The following FAM20C variants were observed in gnomAD, a reference collection of about 807,000 sequenced individuals.
FAM20C encodes the protein extracellular serine/threonine protein kinase FAM20C.
Under a neutral mutation model 51.5 loss-of-function variants are expected in FAM20C, and 40 were observed. The ratio of observed to expected loss-of-function variants is 0.78; its 90% CI spans 0.60 to 1.01. The LOEUF (loss-of-function observed/expected upper bound fraction) is 1.01. Ranked by LOEUF, FAM20C falls within the 50% of genes least tolerant of loss-of-function variation. The pLI is 0.00. For missense variants in FAM20C, 861 were observed against 844.7 expected (o/e 1.02, Z -0.24); for synonymous variants, 406 against 380.6 (o/e 1.07, Z -0.78).
intron 3 of FAM20C, among the ~76,000 whole-genome samples, chr7:230,379 G>GC (rs1583317310): frequency 4.7e-5 from 5 of 106,242 alleles, no homozygotes; most frequent in East Asian, 3.4e-4. Context: ...GGGTGGGGGG[G>GC]GGGGGGAACA....
chr7:223,639 C>T (rs893899501), intron 3 of FAM20C, among the ~76,000 whole-genome samples: 24 of 152,286 alleles, frequency 1.6e-4, no homozygotes, highest in Middle Eastern at 3.4e-3. Context: ...CCCGTGGGGA[C>T]GGCACCTGGT....
intron 3 of FAM20C, among the ~76,000 whole-genome samples, chr7:217,796 C>G (rs749084623): frequency 1.2e-4 from 19 of 152,108 alleles, no homozygotes; most frequent in Non-Finnish European, 2.2e-4. Context: ...TCCATTTGTA[C>G]GAGGAGAGGA....
intron 3 of FAM20C, among the ~76,000 whole-genome samples, chr7:232,521 G>A (rs902462056): frequency 4.6e-5 from 7 of 152,238 alleles, no homozygotes; most frequent in Non-Finnish European, 8.8e-5. Context: ...TTAGCACAGC[G>A]CTTAGCTCAG....
At chr7:259,579 T>A (rs1467468745) in intron 9 of FAM20C, among the ~76,000 whole-genome samples, 152 bp from the exon 10 acceptor site, 1 of 104,766 alleles carries the variant, frequency 9.5e-6, no homozygotes, top group Non-Finnish European at 2.0e-5. Flanking sequence ...TCTCTGTGTA[T>A]GTCTCTGTCT....
intron 2 of FAM20C, among the ~76,000 whole-genome samples, chr7:203,969 A>T (rs1030890756): frequency 1.3e-5 from 2 of 152,218 alleles, no homozygotes; most frequent in African/African-American, 4.8e-5. Flanking sequence ...TCACTTCGTT[A>T]TTATCTTACT....
chr7:201,279 A>G (rs1157056256), intron 2 of FAM20C, among the ~76,000 whole-genome samples: 1 of 152,230 alleles, frequency 6.6e-6, no homozygotes, highest in Admixed American at 6.5e-5. Context: ...CGAGATGACC[A>G]GGGCCAAAGG....
At chr7:196,011 G>A (rs980311909) in intron 2 of FAM20C, among the ~76,000 whole-genome samples, 2 of 152,256 alleles carry the variant, frequency 1.3e-5, no homozygotes, top group African/African-American at 4.8e-5. Context: ...TGGTCCCGGG[G>A]GTGCCAACTG....
At chr7:209,010 G>C (rs1286952510) in intron 3 of FAM20C, 34 bp downstream of exon 3, 1 of 1,557,322 alleles carries the variant, frequency 6.4e-7, no homozygotes, top group Non-Finnish European at 8.7e-7. Context: ...GGGGCGTGAG[G>C]AGCTGGAGCT....
chr7:217,670 C>T (rs2115089651), intron 3 of FAM20C, among the ~76,000 whole-genome samples: 1 of 152,138 alleles, frequency 6.6e-6, no homozygotes, highest in East Asian at 1.9e-4. Flanking sequence ...GCAGAGGTGC[C>T]CTGAGGGTTC....
chr7:209,289 T>C (rs560885334), intron 3 of FAM20C, among the ~76,000 whole-genome samples: 1 of 152,326 alleles, frequency 6.6e-6, no homozygotes, highest in Admixed American at 6.5e-5. Context: ...AGAATGCCTC[T>C]CTGGAAGAGG....
intron 9 of FAM20C, among the ~76,000 whole-genome samples, chr7:259,364 T>C (rs906313202): frequency 6.6e-6 from 1 of 152,170 alleles, no homozygotes; most frequent in Non-Finnish European, 1.5e-5. Context: ...CCGAAGCAGG[T>C]CACACAGCCC....
In FAM20C at chr7:256,591, T is replaced by C. The variant is rs36164325; in HGVS notation, c.1254-63T>C. On this transcript the variant is annotated intron_variant, in intron 6 of 9. Coordinates refer to ENST00000313766, the MANE Select transcript of FAM20C (RefSeq NM_020223.4). The stretch of plus-strand genomic sequence containing the variant: ...CGCAGTGTTTCTCTTCTGCTCCTCA[T>C]GGCACGCGCCGGGCTCCCCAGAATC... 0.58 allele frequency: 777,172 copies of C among 1,336,114 alleles called. 229,235 individuals are homozygous for C. The highest frequency in any genetic ancestry group is 0.71 in the African/African-American group (48,980 of 69,192). The allele number at this position is 1,336,114 out of a possible 1,614,324, so 82.8% of individuals were successfully genotyped here.
At chr7:232,802 G>C (rs2115122458) in intron 3 of FAM20C, among the ~76,000 whole-genome samples, 1 of 152,334 alleles carries the variant, frequency 6.6e-6, no homozygotes, top group African/African-American at 2.4e-5. Flanking sequence ...TTGCAGGACG[G>C]GGCACCCGGC....
At position 253,639 on chromosome 7, in the gene FAM20C, G is replaced by A. The variant is rs542180965; in HGVS notation, c.1073-2210G>A. Among the ~76,000 whole-genome samples, 36 of 152,320 alleles carry A rather than the reference G, an allele frequency of 2.4e-4. 1 individual carries two copies. In the South Asian group the frequency reaches 5.4e-3, roughly 23 times the overall value. On this transcript the variant is annotated intron_variant, in intron 5 of 9. Coordinates refer to ENST00000313766, the MANE Select transcript of FAM20C (RefSeq NM_020223.4). The stretch of plus-strand genomic sequence containing the variant: ...GTAATTCCCAGCCCGTGATGCCGGC[G>A]TTGCTGGGACCCCCGCTTCCCGGGC...
In FAM20C at chr7:248,224, C is replaced by A. The variant is rs1583333203; in HGVS notation, c.957-91C>A. The A allele has an allele frequency of 4.5e-6, 4 of 895,220 alleles. No individual in the cohort carries two copies. In the East Asian group the frequency reaches 8.1e-5, roughly 18 times the overall value. 55.5% of individuals were successfully genotyped at this position (895,220 alleles called of 1,614,324 possible). On this transcript the variant is annotated intron_variant, in intron 4 of 9. Transcript: ENST00000313766. ...CGCTGAGCCGCACAGAGCACAGACCCTCCCCTGCCCCGTTCTTATTTGGAG... is the reference window on the plus strand; with the variant it reads ...CGCTGAGCCGCACAGAGCACAGACCATCCCCTGCCCCGTTCTTATTTGGAG...
intron 2 of FAM20C, among the ~76,000 whole-genome samples, chr7:206,480 C>T (rs1255422899): frequency 1.3e-5 from 2 of 151,746 alleles, no homozygotes; most frequent in African/African-American, 4.8e-5. Context: ...GGCCCTGGTC[C>T]CCTCGGCCCT....
At chr7:198,794 G>A (rs1451002522) in intron 2 of FAM20C, among the ~76,000 whole-genome samples, 2 of 152,186 alleles carry the variant, frequency 1.3e-5, no homozygotes, top group Non-Finnish European at 1.5e-5. Context: ...TCTCCTACTG[G>A]GTGGGGTCTT....
At chr7:243,783 G>A (rs907869161) in intron 3 of FAM20C, among the ~76,000 whole-genome samples, 14 of 152,000 alleles carry the variant, frequency 9.2e-5, no homozygotes, top group Middle Eastern at 3.4e-3. Context: ...CCTGGGCGCC[G>A]CCTCTGCAGT....
intron 2 of FAM20C, among the ~76,000 whole-genome samples, chr7:208,575 G>A (rs576377450): frequency 5.0e-5 from 4 of 79,262 alleles, no homozygotes; most frequent in Admixed American, 1.4e-4. Flanking sequence ...TGTGTACATG[G>A]CTGTGTGGGG....
Sources: gnomAD v4.1 joint callset for allele counts (sites outside exome capture counted in the v4.1 genomes callset) on GRCh38, gnomAD v4.1.1 for gene constraint, MANE v1.5 for transcripts, NCBI Gene and HGNC (gene_info 2026-07-23, HGNC 2026-07-21) for gene names.